The following ZNF727 variants were observed in gnomAD, a reference collection of about 807,000 sequenced individuals.
ZNF727 encodes putative zinc finger protein 727.
Under a neutral mutation model 11.5 loss-of-function variants are expected in ZNF727, and 11 were observed. The ratio of observed to expected loss-of-function variants is 0.95; its 90% CI spans 0.60 to 1.58. ZNF727 has a LOEUF of 1.58. ZNF727 is among the 40% of genes most tolerant of loss of function. The probability of loss-of-function intolerance (pLI) is 0.00; values close to 1 mark genes in which losing one functional copy is unlikely to be tolerated. For missense variants in ZNF727, 533 were observed against 581.7 expected (o/e 0.92, Z 0.86); for synonymous variants, 171 against 196.1 (o/e 0.87, Z 1.07).
In ZNF727 at chr7:64,058,950, C is replaced by CTTTTTTTTTTTTTTTTTT. The variant is rs560995822; in HGVS notation, c.4-9929_4-9928insTTTTTTTTTTTTTTTTTT. Among the ~76,000 whole-genome samples, 1,150 of 144,816 alleles carry CTTTTTTTTTTTTTTTTTT rather than the reference C, an allele frequency of 7.9e-3. 43 individuals are homozygous for CTTTTTTTTTTTTTTTTTT. Among genetic ancestry groups the CTTTTTTTTTTTTTTTTTT allele is most frequent in the East Asian group, 0.069 (305 of 4,402 alleles). On this transcript the variant is annotated intron_variant, in intron 1 of 3. Coordinates refer to ENST00000456806, the MANE Select transcript of ZNF727 (RefSeq NM_001159522.3). ...CTATTGCTTATGGCTATTGCATTGTCTTTTTTTTTTTTGAGACGGAGTCTC... is the reference window on the plus strand; with the variant it reads ...CTATTGCTTATGGCTATTGCATTGTCTTTTTTTTTTTTTTTTTTTTTTTTTTTTTTGAGACGGAGTCTC...
intron 1 of ZNF727, among the ~76,000 whole-genome samples, chr7:64,051,408 A>G (rs118038271): frequency 0.014 from 2,167 of 152,322 alleles, 30 homozygotes; most frequent in Non-Finnish European, 0.021. Context: ...TCAGCTTACC[A>G]TCTGCCCACA....
intron 1 of ZNF727, among the ~76,000 whole-genome samples, chr7:64,054,362 C>G (rs1381155026): frequency 6.6e-6 from 1 of 152,226 alleles, no homozygotes; most frequent in South Asian, 2.1e-4. Flanking sequence ...CGCATCCTCA[C>G]ACTGACACAG....
chr7:64,045,458 T>G lies in ZNF727; in HGVS notation c.-164T>G, dbSNP rs1452589964. 3.0e-6 allele frequency: 3 copies of G among 1,001,856 alleles called. No individual in the cohort carries two copies. The highest frequency in any genetic ancestry group is 3.2e-5 in the African/African-American group (2 of 62,190). 62.1% of individuals were successfully genotyped at this position (1,001,856 alleles called of 1,614,324 possible). A position where few individuals can be genotyped will look rare whatever the true frequency, so the allele number is the denominator to read the frequency against. ...CGGGCTCTTCAATATGGCAAGGCCT[T>G]CGTCTCCTAGCTTCTAGGCTCTGAG... On this transcript the variant is annotated 5_prime_UTR_variant, in exon 1 of 4. Coordinates refer to ENST00000456806, the MANE Select transcript of ZNF727 (RefSeq NM_001159522.3).
At chr7:64,070,045 T>G (rs1206733782) in intron 3 of ZNF727, among the ~76,000 whole-genome samples, 1 of 152,050 alleles carries the variant, frequency 6.6e-6, no homozygotes, top group Non-Finnish European at 1.5e-5. Flanking sequence ...TATTGCAATT[T>G]GGATCAGAAA....
At chr7:64,070,072 A>G (rs1040823778) in intron 3 of ZNF727, among the ~76,000 whole-genome samples, 4 of 152,198 alleles carry the variant, frequency 2.6e-5, no homozygotes, top group East Asian at 1.9e-4. Flanking sequence ...GAACACCACA[A>G]AAAGATGTGT....
chr7:64,081,918 G>A lies in ZNF727; in HGVS notation c.*3369G>A, dbSNP rs1000919954. Among the ~76,000 whole-genome samples, 2 of 152,090 alleles carry A rather than the reference G, an allele frequency of 1.3e-5. No individual in the cohort carries two copies. The highest frequency in any genetic ancestry group is 2.9e-5 in the Non-Finnish European group (2 of 68,038). ...CCTCTTTGCCTGTCTTCTGGTTGCTGCATCTCAGAGACGTGTAGGCCAGCA... is the reference window on the plus strand; with the variant it reads ...CCTCTTTGCCTGTCTTCTGGTTGCTACATCTCAGAGACGTGTAGGCCAGCA... On this transcript the variant is annotated 3_prime_UTR_variant, in exon 4 of 4. Coordinates refer to ENST00000456806, the MANE Select transcript of ZNF727 (RefSeq NM_001159522.3).
chr7:64,069,443 C>T (rs1789923857), intron 2 of ZNF727, 71 bp from the exon 3 acceptor site: 4 of 1,232,758 alleles, frequency 3.2e-6, no homozygotes, highest in Non-Finnish European at 3.5e-6. Context: ...CTCTTCTCTA[C>T]TGAGCATAGT....
At chr7:64,045,694 G>A in intron 1 of ZNF727, 70 bp downstream of exon 1, 1 of 1,547,950 alleles carries the variant, frequency 6.5e-7, no homozygotes, top group East Asian at 2.4e-5. Context: ...ACTGGCTGCG[G>A]TGGGATCTTG....
In ZNF727 at chr7:64,084,911, C is replaced by A. The variant is rs2116346396; in HGVS notation, c.*6362C>A. On this transcript the variant is annotated 3_prime_UTR_variant, in exon 4 of 4. Coordinates refer to ENST00000456806, the MANE Select transcript of ZNF727 (RefSeq NM_001159522.3). The stretch of plus-strand genomic sequence containing the variant: ...TTTACATGTGTTGATATCTTGCCAG[C>A]AAACCAGTAATTTCAAAGATTTTGA... Among the ~76,000 whole-genome samples, 1 of 152,238 alleles carries A rather than the reference C, an allele frequency of 6.6e-6. No homozygotes were observed. The highest frequency in any genetic ancestry group is 2.1e-4 in the South Asian group (1 of 4,828).
intron 1 of ZNF727, among the ~76,000 whole-genome samples, chr7:64,055,489 G>C (rs369238831): frequency 2.0e-5 from 3 of 151,780 alleles, no homozygotes; most frequent in Middle Eastern, 3.5e-3. Flanking sequence ...CACCATTGAT[G>C]TTCATAATTC....
rs10609208 is a variant in ZNF727, at chr7:64,050,776, A to ATGTGTG, written c.3+5184_3+5189dup. Among the ~76,000 whole-genome samples, 355 of 148,452 alleles carry ATGTGTG rather than the reference A, an allele frequency of 2.4e-3. 4 individuals are homozygous for ATGTGTG. Among genetic ancestry groups the ATGTGTG allele is most frequent in the African/African-American group, 7.8e-3 (314 of 40,468 alleles). ...TATGTGTGTGTATGTATGCATATGT[A>ATGTGTG]TGTGTGTGTGTGTGTGTGTGTGTGT... On this transcript the variant is annotated intron_variant, in intron 1 of 3. Transcript: ENST00000456806.
At chr7:64,062,164 AATAATT>A (rs1163680055) in intron 1 of ZNF727, among the ~76,000 whole-genome samples, 1 of 152,014 alleles carries the variant, frequency 6.6e-6, no homozygotes, top group Non-Finnish European at 1.5e-5. Flanking sequence ...TATTTTTTTT[AATAATT>A]ATAAGTATGG....
At chr7:64,047,739 A>G (rs897040818) in intron 1 of ZNF727, among the ~76,000 whole-genome samples, 2 of 95,038 alleles carry the variant, frequency 2.1e-5, no homozygotes, top group African/African-American at 6.5e-5. Flanking sequence ...TAACTGCTTT[A>G]ACATTAAGAT....
At chr7:64,077,248 A>T in intron 3 of ZNF727, 28 bp from the exon 4 acceptor site, 1 of 1,450,494 alleles carries the variant, frequency 6.9e-7, no homozygotes, top group Non-Finnish European at 9.0e-7. Context: ...ATGAGGGAGA[A>T]ATTTTGTGGT....
chr7:64,057,692 C>A (rs1364640566), intron 1 of ZNF727, among the ~76,000 whole-genome samples: 1 of 151,280 alleles, frequency 6.6e-6, no homozygotes, highest in East Asian at 1.9e-4. Flanking sequence ...CATATGTGAC[C>A]CAGGACTTCA....
At position 64,060,650 on chromosome 7, in the gene ZNF727, A is replaced by G. The variant is rs934554485; in HGVS notation, c.4-8241A>G. On this transcript the variant is annotated intron_variant, in intron 1 of 3. Transcript: ENST00000456806. ...TGTAAATTTTGTTTATCTTTTCAAA[A>G]AACTAACTTTTCATTACGTTTATCT... 5.8e-4 allele frequency among the ~76,000 whole-genome samples: 89 copies of G among 152,232 alleles called. 2 individuals carry two copies. The highest frequency in any genetic ancestry group is 1.6e-4 in the Non-Finnish European group (11 of 68,038).
intron 1 of ZNF727, 30 bp from the exon 2 acceptor site, chr7:64,068,861 G>A: frequency 6.4e-7 from 1 of 1,560,362 alleles, no homozygotes; most frequent in African/African-American, 1.4e-5. Context: ...TATTTCTTTG[G>A]TCACTTGGTA....
At chr7:64,052,114 C>G (rs1789608128) in intron 1 of ZNF727, among the ~76,000 whole-genome samples, 1 of 152,158 alleles carries the variant, frequency 6.6e-6, no homozygotes. Flanking sequence ...ATGGCCAGAG[C>G]AGTGTACCAG....
chr7:64,067,817 A>G (rs1474414395), intron 1 of ZNF727, among the ~76,000 whole-genome samples: 2 of 152,128 alleles, frequency 1.3e-5, no homozygotes, highest in Non-Finnish European at 2.9e-5. Context: ...CGACAGGTTG[A>G]TAGGTGCAGC....
Sources: allele counts gnomAD v4.1 joint callset (sites outside exome capture counted in the v4.1 genomes callset), GRCh38; gene constraint gnomAD v4.1.1; transcripts MANE v1.5; gene names NCBI Gene and HGNC (gene_info 2026-07-23, HGNC 2026-07-21).